Variants in TGM5 observed in about 807,000 individuals in gnomAD.
TGM5 encodes the protein protein-glutamine gamma-glutamyltransferase 5.
In TGM5, 69 loss-of-function variants were observed where a neutral mutation model predicts 77.2. That is an observed-to-expected ratio of 0.89 (90% CI 0.74 to 1.09). The LOEUF (loss-of-function observed/expected upper bound fraction) is 1.09, where lower values mean the gene tolerates loss of function less well. Among genes scored for constraint, TGM5 ranks in the 50% least tolerant of loss-of-function variants. The pLI, the probability that TGM5 is intolerant of heterozygous loss-of-function variation, is 0.00. For synonymous variants in TGM5, 346 were observed against 351.8 expected, an observed-to-expected ratio of 0.98 and a Z score of 0.18; for missense variants, 842 against 896.5, an observed-to-expected ratio of 0.94 and a Z score of 0.78.
Position 43,239,000 on chromosome 15 carries a change from G to C in TGM5, c.1162C>G (p.Leu388Val). ...VRAIKEGEVD[L>V]NYDTPFVFSM... ...AACACAAAGGGCGTGTCATAGTTCAGGTCCACTTCTCCTTCTTTGATGGCT... is the reference window on the plus strand; with the variant it reads ...AACACAAAGGGCGTGTCATAGTTCACGTCCACTTCTCCTTCTTTGATGGCT... The change falls in exon 9 of 13, where the codon CTG (leucine) becomes GTG (valine). Residue 388 changes from leucine to valine, a missense_variant. Leu to Val is a conservative substitution (Grantham distance 32). Around this residue, in one of 2 missense-constraint regions of TGM5, gnomAD observed 815 missense variants for 844.6 expected, o/e 0.96. Coordinates refer to ENST00000220420, the MANE Select transcript of TGM5 (RefSeq NM_201631.4). 2 of 1,614,154 alleles carry C rather than the reference G, an allele frequency of 1.2e-6. No homozygotes were observed. The highest frequency in any genetic ancestry group is 2.2e-5 in the East Asian group (1 of 44,880).
rs766081368 is a variant in TGM5 at position 43,252,767 on chromosome 15, A to G, written c.854T>C (p.Met285Thr). 6.8e-6 allele frequency: 11 copies of G among 1,613,880 alleles called. No homozygotes were observed. In the Admixed American group the frequency reaches 1.5e-4, roughly 22 times the overall value. ...YGQCWVFAAV[M>T]CTVMRCLGIP... is the part of the protein sequence containing the mutation. ...TCCTTTCTACCTCCTACCTGTGCAC[A>G]TGACGGCAGCAAAGACCCAGCATTG... Residue 285 changes from methionine (M) to threonine (T), a missense_variant, in exon 6 of 13, where the codon ATG becomes ACG. By Grantham distance (81) the Met-to-Thr change is moderately conservative. Transcript: ENST00000220420.
At chr15:43,251,326 G>A (rs1051460660) in intron 6 of TGM5, among the ~76,000 whole-genome samples, 3 of 151,986 alleles carry the variant, frequency 2.0e-5, no homozygotes, top group African/African-American at 4.8e-5. Context: ...ACTCTCTCTC[G>A]GTGGCAACAC....
At chr15:43,259,458 A>C (rs1596451114) in intron 3 of TGM5, among the ~76,000 whole-genome samples, 1 of 152,238 alleles carries the variant, frequency 6.6e-6, no homozygotes, top group African/African-American at 2.4e-5. Flanking sequence ...AAATTAAAAA[A>C]AAAAAAAAGC....
Position 43,233,114 on chromosome 15 carries a change from A to G in TGM5, c.*77T>C. The G allele has an allele frequency of 3.8e-6, 6 of 1,571,208 alleles. No homozygotes were observed. The highest frequency in any genetic ancestry group is 4.3e-6 in the Non-Finnish European group (5 of 1,150,384). On this transcript the variant is annotated 3_prime_UTR_variant, in exon 13 of 13. Transcript: ENST00000220420. ...CTGTGAAGCCTCTGTTGTGGTGGGGAATGGCGCAGCTTGCATTTGAACTTG... is the reference window on the plus strand; with the variant it reads ...CTGTGAAGCCTCTGTTGTGGTGGGGGATGGCGCAGCTTGCATTTGAACTTG...
chr15:43,239,398 A>G, intron 7 of TGM5, 132 bp from the exon 8 acceptor site: 2 of 875,062 alleles, frequency 2.3e-6, no homozygotes, highest in Non-Finnish European at 3.7e-6. Context: ...ACCTCTGTGG[A>G]TAGCCAGGCA....
At chr15:43,246,928 A>G (rs2042673199) in intron 6 of TGM5, among the ~76,000 whole-genome samples, 1 of 152,136 alleles carries the variant, frequency 6.6e-6, no homozygotes, top group South Asian at 2.1e-4. Context: ...CATCATAACA[A>G]AGCTTAAAAG....
intron 1 of TGM5, among the ~76,000 whole-genome samples, chr15:43,261,090 T>TTTTTTTTTTTTG (rs2042786351): frequency 5.1e-5 from 5 of 97,114 alleles, no homozygotes; most frequent in South Asian, 3.7e-4. Flanking sequence ...TTTTTTTTTT[T>TTTTTTTTTTTTG]TTTTTTTTTT....
intron 4 of TGM5, among the ~76,000 whole-genome samples, 178 bp downstream of exon 4, chr15:43,256,390 G>A (rs1390044238): frequency 6.6e-6 from 1 of 152,166 alleles, no homozygotes; most frequent in Non-Finnish European, 1.5e-5. Flanking sequence ...TCAGCAAAGA[G>A]AAAGGCCCTC....
At chr15:43,239,500 A>G (rs914701822) in intron 7 of TGM5, 2 of 570,256 alleles carry the variant, frequency 3.5e-6, no homozygotes, top group Non-Finnish European at 6.3e-6. Context: ...TGGGCAAAAA[A>G]GGAAGATCTC....
chr15:43,241,854 G>A (rs1388080870), intron 6 of TGM5, among the ~76,000 whole-genome samples: 2 of 151,856 alleles, frequency 1.3e-5, no homozygotes, highest in Admixed American at 6.6e-5. Context: ...TGGCCAGGCT[G>A]GTCTCGAACT....
Position 43,260,184 on chromosome 15 carries a change from CCT to C in TGM5, c.302_303del (p.Glu101GlyfsTer53). 6.2e-7 allele frequency: 1 copy of C among 1,614,100 alleles called. No homozygotes were observed. Among genetic ancestry groups the C allele is most frequent in the Non-Finnish European group, 8.5e-7 (1 of 1,180,034 alleles). On this transcript the variant is annotated frameshift_variant, in exon 3 of 13. Coordinates refer to ENST00000220420, the MANE Select transcript of TGM5 (RefSeq NM_201631.4). LOFTEE classifies it high-confidence loss of function. ...GCCGTGGGAGGAGCGCACAAGCTCA[CCT>C]CTGTGGAGGTGGCCCCATTGGTCTC... ...WLETNGATST[E>X]VSLCAPPTAA...
chr15:43,238,924 T>C lies in TGM5; in HGVS notation c.1238A>G (p.Glu413Gly). Residue 413 changes from glutamate to glycine, a missense_variant, in exon 9 of 13, where the codon GAG becomes GGG. Glu to Gly is a moderately conservative substitution (Grantham distance 98). Coordinates refer to ENST00000220420, the MANE Select transcript of TGM5 (RefSeq NM_201631.4). The stretch of plus-strand genomic sequence containing the variant: ...ACTCGTGTCCTGGTGAAGCTTCTGC[T>C]CCTTCCCTCCCTGGACGAGCCAGGA... ...CMSWLVQGGK[E>G]QKLHQDTSSV... 6.2e-7 allele frequency: 1 copy of C among 1,614,166 alleles called. No homozygotes were observed. Among genetic ancestry groups the C allele is most frequent in the Non-Finnish European group, 8.5e-7 (1 of 1,180,038 alleles).
chr15:43,245,874 G>A (rs143856340), intron 6 of TGM5, among the ~76,000 whole-genome samples: 189 of 144,172 alleles, frequency 1.3e-3, no homozygotes, highest in African/African-American at 4.7e-3. Context: ...TGGCAGATTT[G>A]TAAGGGTTAT....
chr15:43,245,639 G>T (rs1046888866), intron 6 of TGM5, among the ~76,000 whole-genome samples: 1 of 152,136 alleles, frequency 6.6e-6, no homozygotes, highest in African/African-American at 2.4e-5. Flanking sequence ...GGGGGTGGGG[G>T]CAATTAAGAA....
rs891488234 is a variant in TGM5, at chr15:43,240,875, C to A, written c.978G>T (p.Gly326=). The change falls in exon 7 of 13, where the codon GGG becomes GGT. Residue 326 remains glycine (G), a synonymous_variant. Coordinates refer to ENST00000220420, the MANE Select transcript of TGM5 (RefSeq NM_201631.4). ...EYYDNTGRIL[G]NKKKDTIWNF... The stretch of plus-strand genomic sequence containing the variant: ...ACCAGATAGTATCCTTCTTCTTATT[C>A]CCCAAAATCCTGCCTGTGTTGTCAT... 6.2e-7 allele frequency: 1 copy of A among 1,614,186 alleles called. No homozygotes were observed. Among genetic ancestry groups the A allele is most frequent in the Non-Finnish European group, 8.5e-7 (1 of 1,180,038 alleles).
At chr15:43,235,381 G>A (rs1252458912) in intron 10 of TGM5, 88 bp downstream of exon 10, 1 of 1,572,168 alleles carries the variant, frequency 6.4e-7, no homozygotes, top group Non-Finnish European at 8.7e-7. Flanking sequence ...GTGTCTCAGG[G>A]GTCTGCCCCC....
chr15:43,258,817 A>G (rs2042762574), intron 3 of TGM5, among the ~76,000 whole-genome samples: 1 of 152,118 alleles, frequency 6.6e-6, no homozygotes, highest in Non-Finnish European at 1.5e-5. Context: ...AGAAGGCCCC[A>G]TCATTAACGC....
intron 6 of TGM5, among the ~76,000 whole-genome samples, chr15:43,245,409 T>G (rs2042663342): frequency 6.6e-6 from 1 of 152,208 alleles, no homozygotes; most frequent in South Asian, 2.1e-4. Flanking sequence ...TAATCGTCCC[T>G]TATAACCAAG....
chr15:43,239,790 C>T (rs2042620597), intron 7 of TGM5: 1 of 178,432 alleles, frequency 5.6e-6, no homozygotes, highest in Non-Finnish European at 1.2e-5. Context: ...TTCCAGAGTC[C>T]ACTGAAGTTA....
Sources: gnomAD v4.1 joint callset for allele counts (sites outside exome capture counted in the v4.1 genomes callset) on GRCh38, gnomAD v4.1.1 for gene constraint, gnomAD v4.1.1 regional missense constraint, MANE v1.5 for transcripts, NCBI Gene and HGNC (gene_info 2026-07-23, HGNC 2026-07-21) for gene names.